The following PSMD4 variants were observed in gnomAD, a reference collection of about 807,000 sequenced individuals.
The protein encoded by PSMD4 is proteasome 26S subunit ubiquitin receptor, non-ATPase 4.
PSMD4 carries 5 observed loss-of-function variants against 39.7 expected under a neutral mutation model. That is an observed-to-expected ratio of 0.13 (90% CI 0.07 to 0.26). PSMD4 has a LOEUF of 0.26. PSMD4 is among the 10% of genes least tolerant of loss of function. The probability of loss-of-function intolerance (pLI) is 1.00; values close to 1 mark genes in which losing one functional copy is unlikely to be tolerated. For missense variants in PSMD4, 272 were observed against 486.1 expected, an observed-to-expected ratio of 0.56 and a Z score of 4.14; for synonymous variants, 143 against 174.6, an observed-to-expected ratio of 0.82 and a Z score of 1.43.
chr1:151,266,633 A>G (rs1693456880), intron 9 of PSMD4, 46 bp downstream of exon 9: 6 of 1,596,358 alleles, frequency 3.8e-6, no homozygotes, highest in African/African-American at 1.3e-5. Context: ...CCTTGAATTT[A>G]GATCCTCATC....
chr1:151,261,182 T>TTC (rs903978469), intron 1 of PSMD4, among the ~76,000 whole-genome samples: 3 of 141,802 alleles, frequency 2.1e-5, no homozygotes, highest in African/African-American at 7.9e-5. Flanking sequence ...TTCTTTTTCT[T>TTC]TTTTTTTTTT....
intron 1 of PSMD4, chr1:151,259,298 G>A (rs1332888219): frequency 6.6e-6 from 1 of 152,120 alleles, no homozygotes; most frequent in East Asian, 1.9e-4. Flanking sequence ...TTTAGAATAT[G>A]TACATTATAC....
intron 1 of PSMD4, among the ~76,000 whole-genome samples, chr1:151,261,180 CTTTTTTTTT>C (rs587653164): frequency 1.7e-5 from 2 of 120,010 alleles, no homozygotes; most frequent in Admixed American, 8.4e-5. Context: ...TTTTCTTTTT[CTTTTTTTTT>C]TTTTTTTTTT....
intron 9 of PSMD4, chr1:151,266,850 A>G (rs1402062320): frequency 1.4e-6 from 1 of 717,376 alleles, no homozygotes; most frequent in African/African-American, 1.8e-5. Context: ...CCCAGGAGGG[A>G]AAAAAGCGGG....
chr1:151,262,823 A>T (rs1693343767), intron 2 of PSMD4: 1 of 153,478 alleles, frequency 6.5e-6, no homozygotes, highest in Non-Finnish European at 1.4e-5. Context: ...CGACAGAATG[A>T]GACTCCATTT....
chr1:151,266,209 G>A lies in PSMD4; in HGVS notation c.763+97G>A, dbSNP rs1439407004. On this transcript the variant is annotated intron_variant, in intron 7 of 9. Coordinates refer to ENST00000368884, the MANE Select transcript of PSMD4 (RefSeq NM_002810.4). ...AGGGAGAGTGTGGAGGTCTGACAGG[G>A]TAGGAATATGTGGGAGGGCTGGGCT... 3.1e-6 allele frequency: 5 copies of A among 1,596,616 alleles called. No homozygotes were observed. The African/African-American group carries it at 6.7e-5, about 21-fold the overall frequency.
At chr1:151,260,432 G>A (rs1693288781) in intron 1 of PSMD4, among the ~76,000 whole-genome samples, 1 of 152,056 alleles carries the variant, frequency 6.6e-6, no homozygotes, top group South Asian at 2.1e-4. Flanking sequence ...AAAGTTGCAG[G>A]GATCTAAGAG....
chr1:151,266,597 A>C lies in PSMD4; in HGVS notation c.963+10A>C, dbSNP rs772059789. The C allele has an allele frequency of 6.2e-7, 1 of 1,614,054 alleles. No individual in the cohort carries two copies. The highest frequency in any genetic ancestry group is 1.3e-5 in the African/African-American group (1 of 75,062). On this transcript the variant is annotated intron_variant, in intron 9 of 9. Coordinates refer to ENST00000368884, the MANE Select transcript of PSMD4 (RefSeq NM_002810.4). ...ATCTGAGCCAGCCAAGGTGAGACCC[A>C]ACCCTGCCCCCATCAGGTTTAAAGT...
rs1243175456 is a variant in PSMD4, at chr1:151,266,554, C to T, written c.930C>T (p.Ala310=). The T allele has an allele frequency of 1.2e-6, 2 of 1,614,088 alleles. No homozygotes were observed. Among genetic ancestry groups the T allele is most frequent in the Admixed American group, 1.7e-5 (1 of 59,994 alleles). The stretch of plus-strand genomic sequence containing the variant: ...AGGCGGAATCAGCAGACATTGATGC[C>T]AGCTCAGCTATGGACACATCTGAGC... The part of the protein sequence containing the change: ...FGQAESADID[A]SSAMDTSEPA... The change falls in exon 9 of 10, where the codon GCC becomes GCT. Residue 310 remains alanine, a synonymous_variant. Coordinates refer to ENST00000368884, the MANE Select transcript of PSMD4 (RefSeq NM_002810.4).
Position 151,264,589 on chromosome 1 carries a change from C to T in PSMD4, c.283-243C>T, listed in dbSNP as rs112464484. 5.1e-3 allele frequency among the ~76,000 whole-genome samples: 758 copies of T among 148,856 alleles called. 3 individuals carry two copies. Among genetic ancestry groups the T allele is most frequent in the Admixed American group, 9.2e-3 (137 of 14,892 alleles). On this transcript the variant is annotated intron_variant, in intron 3 of 9. Transcript: ENST00000368884. ...TCACGCCACTGCACTCCAGACTGGG[C>T]GACAGAGCGAGACTCCATCTCAAAA... is the stretch of plus-strand genomic sequence containing the variant.
Position 151,267,184 on chromosome 1 carries a change from T to A in PSMD4, c.975T>A (p.Asp325Glu). The change falls in exon 10 of 10, where the codon GAT (aspartate) becomes GAA (glutamate). Residue 325 changes from aspartate to glutamate, a missense_variant. This residue lies in a region of PSMD4 where 113 missense variants were observed against 184.6 expected (regional missense o/e 0.61). Coordinates refer to ENST00000368884, the MANE Select transcript of PSMD4 (RefSeq NM_002810.4). ...DTSEPAKEED[D>E]YDVMQDPEFL... ...CTGCCTGTTTGCAGGAGGAGGATGA[T>A]TACGACGTGATGCAGGACCCCGAGT... 6.2e-7 allele frequency: 1 copy of A among 1,613,878 alleles called. No individual in the cohort carries two copies. Among genetic ancestry groups the A allele is most frequent in the Non-Finnish European group, 8.5e-7 (1 of 1,179,830 alleles).
chr1:151,260,346 C>T (rs1446861973), intron 1 of PSMD4, among the ~76,000 whole-genome samples: 1 of 152,164 alleles, frequency 6.6e-6, no homozygotes, highest in Non-Finnish European at 1.5e-5. Context: ...ATAACTGCAT[C>T]ACTTACCTGC....
At chr1:151,260,964 ACCT>A (rs748487634) in intron 1 of PSMD4, among the ~76,000 whole-genome samples, 6 of 150,770 alleles carry the variant, frequency 4.0e-5, no homozygotes, top group Non-Finnish European at 8.9e-5. Context: ...TCCTGCCTCA[ACCT>A]CCTGAGTAGC....
chr1:151,264,155 G>A, intron 3 of PSMD4, 127 bp downstream of exon 3: 1 of 665,768 alleles, frequency 1.5e-6, no homozygotes, highest in Non-Finnish European at 2.6e-6. Context: ...GAGTAGAAAG[G>A]ATATGGGGGA....
chr1:151,267,206 G>A lies in PSMD4; in HGVS notation c.997G>A (p.Glu333Lys), dbSNP rs1693471184. The change falls in exon 10 of 10, where the codon GAG (glutamate) becomes AAG (lysine). Residue 333 changes from glutamate to lysine, a missense_variant. Glu to Lys is a moderately conservative substitution (Grantham distance 56). This residue lies in a region of PSMD4 where 113 missense variants were observed against 184.6 expected (regional missense o/e 0.61). Transcript: ENST00000368884. Reference sequence around the variant, plus strand: ...TGATTACGACGTGATGCAGGACCCCGAGTTCCTTCAGAGTGTCCTAGAGAA... The same window carrying A: ...TGATTACGACGTGATGCAGGACCCCAAGTTCCTTCAGAGTGTCCTAGAGAA... ...EDDYDVMQDP[E>K]FLQSVLENLP... 4 of 1,613,804 alleles carry A rather than the reference G, an allele frequency of 2.5e-6. No individual in the cohort carries two copies. Among genetic ancestry groups the A allele is most frequent in the African/African-American group, 1.3e-5 (1 of 74,904 alleles).
Position 151,266,089 on chromosome 1 carries a change from G to C in PSMD4, c.740G>C (p.Gly247Ala), listed in dbSNP as rs971338783. The part of the protein sequence containing the change: ...RAAAASAAEA[G>A]IATTGTEDSD... The stretch of plus-strand genomic sequence containing the variant: ...GCTGCAGCTTCTGCTGCTGAGGCCG[G>C]GATTGCTACGACTGGGACTGAAGGT... Residue 247 changes from glycine (G) to alanine (A), a missense_variant, in exon 7 of 10, where the codon GGG becomes GCG. By Grantham distance (60) the Gly-to-Ala change is moderately conservative. Around this residue, in one of 3 missense-constraint regions of PSMD4, gnomAD observed 113 missense variants for 184.6 expected, o/e 0.61. Transcript: ENST00000368884. The C allele has an allele frequency of 6.2e-7, 1 of 1,606,768 alleles. No individual in the cohort carries two copies. The highest frequency in any genetic ancestry group is 8.5e-7 in the Non-Finnish European group (1 of 1,176,870).
In PSMD4 at chr1:151,266,293, T is replaced by A; in HGVS notation, c.764-15T>A. On this transcript the variant is annotated splice_polypyrimidine_tract_variant and intron_variant, in intron 7 of 9. Coordinates refer to ENST00000368884, the MANE Select transcript of PSMD4 (RefSeq NM_002810.4). The stretch of plus-strand genomic sequence containing the variant: ...TGGCACCAATTCTACCCTGCTCCTC[T>A]TTTCCTTTTCCCAGACTCAGACGAT... The A allele has an allele frequency of 9.3e-6, 15 of 1,614,118 alleles. No individual in the cohort carries two copies. The highest frequency in any genetic ancestry group is 1.2e-5 in the Non-Finnish European group (14 of 1,180,030).
chr1:151,261,914 C>T (rs1334526142), intron 1 of PSMD4, among the ~76,000 whole-genome samples: 1 of 145,388 alleles, frequency 6.9e-6, no homozygotes, highest in East Asian at 2.0e-4. Context: ...ATTAGTGCAC[C>T]ACTCTACTCC....
In PSMD4 at chr1:151,265,232, G is replaced by T; in HGVS notation, c.436G>T (p.Glu146Ter). 6.2e-7 allele frequency: 1 copy of T among 1,613,258 alleles called. No homozygotes were observed. The highest frequency in any genetic ancestry group is 8.5e-7 in the Non-Finnish European group (1 of 1,179,426). Residue 146 changes from glutamate (E) to a stop codon, truncating the protein, a stop_gained and splice_region_variant, in exon 5 of 10, where the codon GAG becomes TAG. Coordinates refer to ENST00000368884, the MANE Select transcript of PSMD4 (RefSeq NM_002810.4). LOFTEE classifies it high-confidence loss of function. ...TGTTGACATTATCAATTTTGGGGAA[G>T]AGGTGAGTAGGGACTGATTGGAGGG... ...VNVDIINFGEEEVNTEKLTAF... is the reference protein window; with the variant it reads ...VNVDIINFGE
Sources: gnomAD v4.1 joint callset for allele counts (sites outside exome capture counted in the v4.1 genomes callset) on GRCh38, gnomAD v4.1.1 for gene constraint, gnomAD v4.1.1 regional missense constraint, MANE v1.5 for transcripts, NCBI Gene and HGNC (gene_info 2026-07-23, HGNC 2026-07-21) for gene names.